The following ADGRG2 variants were observed in gnomAD, a reference collection of about 807,000 sequenced individuals.
ADGRG2 encodes G protein-coupled receptor 64.
ADGRG2 carries 26 observed loss-of-function variants against 74.1 expected under a neutral mutation model. The observed-to-expected ratio is 0.35, with a 90% confidence interval of 0.26 to 0.49. The LOEUF (loss-of-function observed/expected upper bound fraction) is 0.49, where lower values mean the gene tolerates loss of function less well. Ranked by LOEUF, ADGRG2 falls within the 20% of genes least tolerant of loss-of-function variation. The probability of loss-of-function intolerance (pLI) is 0.99; values close to 1 mark genes in which losing one functional copy is unlikely to be tolerated. For missense variants in ADGRG2, 619 were observed against 763.1 expected (o/e 0.81, Z 2.22); for synonymous variants, 296 against 295.2 (o/e 1.00, Z -0.03).
At chrX:19,024,961 GA>G (rs1343562585) in intron 11 of ADGRG2, among the ~76,000 whole-genome samples, 2 of 111,477 alleles carry the variant, frequency 1.8e-5, no homozygotes, top group Non-Finnish European at 3.8e-5. Context: ...TTTTTGTAGA[GA>G]CCACGTCTCA....
intron 1 of ADGRG2, among the ~76,000 whole-genome samples, chrX:19,098,426 G>C (rs1248997521): frequency 8.9e-6 from 1 of 111,870 alleles, no homozygotes; most frequent in Non-Finnish European, 1.9e-5. Flanking sequence ...GCCAACTGGA[G>C]GGGGGACCAT....
intron 1 of ADGRG2, among the ~76,000 whole-genome samples, chrX:19,110,537 T>G (rs2062392030): frequency 9.2e-6 from 1 of 109,123 alleles, no homozygotes; most frequent in African/African-American, 3.3e-5. Context: ...AATACAAAAA[T>G]TAGCCGGGTG....
chrX:19,040,036 T>G (rs1347646625), intron 4 of ADGRG2, among the ~76,000 whole-genome samples, 153 bp downstream of exon 4: 2 of 112,123 alleles, frequency 1.8e-5, no homozygotes, highest in Non-Finnish European at 3.8e-5. Flanking sequence ...TGGTCTATGC[T>G]TGCATTGATT....
At chrX:19,061,658 A>T (rs1407102044) in intron 3 of ADGRG2, among the ~76,000 whole-genome samples, 1 of 112,300 alleles carries the variant, frequency 8.9e-6, no homozygotes. Context: ...CTCCAGAAAT[A>T]TAGGAAAGAG....
At chrX:19,012,411 A>G (rs1007262994) in intron 16 of ADGRG2, among the ~76,000 whole-genome samples, 2 of 110,715 alleles carry the variant, frequency 1.8e-5, no homozygotes, top group Admixed American at 9.7e-5. Context: ...ATGAACTTCA[A>G]TTTTACTGTA....
At chrX:19,007,801 T>C (rs753627817) in intron 19 of ADGRG2, among the ~76,000 whole-genome samples, 179 bp downstream of exon 19, 21 of 112,173 alleles carry the variant, frequency 1.9e-4, no homozygotes, top group Non-Finnish European at 2.8e-4. Flanking sequence ...ACTATGTAAC[T>C]GTCAGTTACT....
At chrX:19,013,612 CAAAG>C (rs2060403356) in intron 16 of ADGRG2, 70 bp downstream of exon 16, 3 of 908,209 alleles carry the variant, frequency 3.3e-6, no homozygotes, top group East Asian at 6.5e-5. Context: ...GAACATCATA[CAAAG>C]AAAGGCTCAA....
At chrX:19,056,824 C>T (rs2061416462) in intron 3 of ADGRG2, among the ~76,000 whole-genome samples, 1 of 111,319 alleles carries the variant, frequency 9.0e-6, no homozygotes, top group South Asian at 3.8e-4. Context: ...AATAAAATGT[C>T]TGTGTTCATT....
Position 19,025,474 on chromosome X carries a change from G to A in ADGRG2, c.471-1526C>T, listed in dbSNP as rs139163100. ...TTTATCCCTGTGGATCCCCAAGGCC[G>A]AGCACAAAGTAGGTGTTCAACAAAT... On this transcript the variant is annotated intron_variant, in intron 11 of 28. Transcript: ENST00000379869. 6.0e-3 allele frequency among the ~76,000 whole-genome samples: 672 copies of A among 111,533 alleles called. 3 individuals are homozygous for A. Among genetic ancestry groups the A allele is most frequent in the African/African-American group, 0.021 (647 of 30,717 alleles).
chrX:19,001,619 T>C (rs930545044), intron 24 of ADGRG2, among the ~76,000 whole-genome samples: 2 of 111,722 alleles, frequency 1.8e-5, no homozygotes, highest in African/African-American at 6.5e-5. Context: ...GTGCCCAGTA[T>C]CTGGAGCGTT....
rs761654429 is a variant in ADGRG2 at position 19,055,295 on chromosome X, C to T, written c.118+13422G>A. Among the ~76,000 whole-genome samples the T allele has an allele frequency of 2.6e-4, 29 of 111,540 alleles. No homozygotes were observed. In the South Asian group the frequency reaches 6.0e-3, roughly 23 times the overall value. On this transcript the variant is annotated intron_variant, in intron 3 of 28. Transcript: ENST00000379869. The stretch of plus-strand genomic sequence containing the variant: ...GTATGTGTGTGTGTGTGCGCGCGCA[C>T]GCGCGTGCACGCACCTTAGTGGTTC...
intron 1 of ADGRG2, among the ~76,000 whole-genome samples, chrX:19,084,227 T>C (rs1346809552): frequency 1.9e-5 from 2 of 108,099 alleles, no homozygotes; most frequent in Non-Finnish European, 3.8e-5. Flanking sequence ...CCACATATTC[T>C]CACTTATAAG....
chrX:18,990,941 A>T lies in ADGRG2; in HGVS notation c.2977T>A (p.Ser993Thr). ...KQHMFNEKED[S>T]CNGKGRMALR... ...GCCATACGGCCTTTCCCATTGCAGG[A>T]ATCTTCCTTCTCGTTAAACATGTGC... Residue 993 changes from serine (S) to threonine (T), a missense_variant, in exon 29 of 29, where the codon TCC (serine) becomes ACC (threonine). By Grantham distance (58) the Ser-to-Thr change is moderately conservative. This residue lies in a region of ADGRG2 where 106 missense variants were observed against 104.5 expected (regional missense o/e 1.01). Coordinates refer to ENST00000379869, the MANE Select transcript of ADGRG2 (RefSeq NM_001079858.3). 8.3e-7 allele frequency: 1 copy of T among 1,205,636 alleles called. No homozygotes were observed. Among genetic ancestry groups the T allele is most frequent in the Non-Finnish European group, 1.1e-6 (1 of 890,020 alleles).
In ADGRG2 at chrX:19,004,845, A is replaced by G. The variant is rs770074141; in HGVS notation, c.1874T>C (p.Met625Thr). ...ATATGTAATGAACGTCAGAGCCATC[A>G]TTTGAGCAGGCAGCACAGATGTCCT... Reference protein sequence around the residue: ...LSRTSVLPAQMMALTFITYIG... With the variant: ...LSRTSVLPAQTMALTFITYIG... The change falls in exon 23 of 29, where the codon ATG (methionine) becomes ACG (threonine). Residue 625 changes from methionine (M) to threonine (T), a missense_variant. Physicochemically the swap from Met to Thr is moderately conservative, Grantham distance 81. This residue lies in a region of ADGRG2 where 221 missense variants were observed against 340.6 expected (regional missense o/e 0.65). Transcript: ENST00000379869. 11 of 1,201,047 alleles carry G rather than the reference A, an allele frequency of 9.2e-6. No homozygotes were observed. In the Admixed American group the frequency reaches 1.8e-4, roughly 19 times the overall value.
intron 3 of ADGRG2, among the ~76,000 whole-genome samples, chrX:19,043,853 G>A (rs2061123613): frequency 9.1e-6 from 1 of 109,315 alleles, no homozygotes; most frequent in African/African-American, 3.3e-5. Context: ...ATGTCTTGCT[G>A]TCATTGCTTC....
chrX:19,105,435 T>C (rs1451004855), intron 1 of ADGRG2, among the ~76,000 whole-genome samples: 1 of 111,506 alleles, frequency 9.0e-6, no homozygotes, highest in Non-Finnish European at 1.9e-5. Context: ...TGCAGGGACA[T>C]GGATGAAGCT....
intron 22 of ADGRG2, among the ~76,000 whole-genome samples, chrX:19,005,773 G>A (rs1049302634): frequency 1.8e-5 from 2 of 111,466 alleles, no homozygotes; most frequent in South Asian, 3.7e-4. Context: ...GGCTGGTCTC[G>A]AACTCCTGAC....
intron 1 of ADGRG2, among the ~76,000 whole-genome samples, chrX:19,118,909 T>G (rs1452341376): frequency 3.6e-5 from 4 of 112,213 alleles, no homozygotes. Context: ...AAACCTCAAA[T>G]GCATTATGCT....
intron 24 of ADGRG2, 34 bp from the exon 25 acceptor site, chrX:18,999,994 T>A (rs753578113): frequency 1.1e-5 from 7 of 622,324 alleles, no homozygotes; most frequent in Non-Finnish European, 1.7e-5. Flanking sequence ...ACACCTAATT[T>A]TTTTTTTTTT....
Sources: allele counts gnomAD v4.1 joint callset (sites outside exome capture counted in the v4.1 genomes callset), GRCh38; gene constraint gnomAD v4.1.1; regional missense constraint gnomAD v4.1.1; transcripts MANE v1.5; gene names NCBI Gene and HGNC (gene_info 2026-07-23, HGNC 2026-07-21).